ROR2: variants seen among roughly 807,000 people sequenced by gnomAD.
ROR2 encodes ROR family WNT receptor 2.
A neutral mutation model predicts 74.9 loss-of-function variants in ROR2; 33 were observed. The observed-to-expected ratio is 0.44, with a 90% CI of 0.33 to 0.59. The LOEUF (loss-of-function observed/expected upper bound fraction) is 0.59. ROR2 is among the 20% of genes least tolerant of loss of function. ROR2 has a pLI of 0.02. For missense variants in ROR2, 1,216 were observed against 1,313.8 expected (o/e 0.93, Z 1.15); for synonymous variants, 586 against 558.7 (o/e 1.05, Z -0.69).
At chr9:91,871,155 C>T (rs1829783256) in intron 1 of ROR2, among the ~76,000 whole-genome samples, 1 of 152,228 alleles carries the variant, frequency 6.6e-6, no homozygotes. Context: ...TTCCTCAAAA[C>T]TCTAACATGC....
At chr9:91,931,709 G>A (rs1378747298) in intron 1 of ROR2, among the ~76,000 whole-genome samples, 1 of 152,030 alleles carries the variant, frequency 6.6e-6, no homozygotes, top group African/African-American at 2.4e-5. Context: ...CTCCCTACAA[G>A]TATTAAAATT....
intron 1 of ROR2, among the ~76,000 whole-genome samples, chr9:91,869,804 G>A (rs966631161): frequency 2.6e-5 from 4 of 151,940 alleles, no homozygotes; most frequent in Non-Finnish European, 4.4e-5. Flanking sequence ...AATCTATTTC[G>A]GTGTACTAAC....
At chr9:91,859,960 G>A (rs1009014978) in intron 1 of ROR2, among the ~76,000 whole-genome samples, 2 of 152,220 alleles carry the variant, frequency 1.3e-5, no homozygotes, top group Non-Finnish European at 2.9e-5. Flanking sequence ...AGATGCCAGG[G>A]TGTGCTCAGT....
chr9:91,922,164 A>T (rs1831286425), intron 1 of ROR2, among the ~76,000 whole-genome samples: 1 of 152,178 alleles, frequency 6.6e-6, no homozygotes, highest in Non-Finnish European at 1.5e-5. Context: ...TACTGTTGAG[A>T]ACGTAGAGAA....
At chr9:91,839,928 A>T (rs1828732801) in intron 1 of ROR2, among the ~76,000 whole-genome samples, 1 of 151,998 alleles carries the variant, frequency 6.6e-6, no homozygotes, top group Admixed American at 6.6e-5. Flanking sequence ...TCTTTTCATA[A>T]ATGTGTTTCT....
At position 91,757,573 on chromosome 9, in the gene ROR2, C is replaced by T. The variant is rs547226790; in HGVS notation, c.176-14G>A. On this transcript the variant is annotated splice_polypyrimidine_tract_variant and intron_variant, in intron 2 of 8. Coordinates refer to ENST00000375708, the MANE Select transcript of ROR2 (RefSeq NM_004560.4). Reference sequence around the variant, plus strand: ...TCAGAAAGTAACCTGCCAAGGAGAGCGGTCACAAAAGAGCAAGCGTCAGTG... The same window carrying T: ...TCAGAAAGTAACCTGCCAAGGAGAGTGGTCACAAAAGAGCAAGCGTCAGTG... 1.6e-5 allele frequency: 26 copies of T among 1,611,356 alleles called. No individual in the cohort carries two copies. Among genetic ancestry groups the T allele is most frequent in the East Asian group, 1.1e-4 (5 of 44,782 alleles).
intron 7 of ROR2, among the ~76,000 whole-genome samples, chr9:91,729,803 CTT>C (rs1486708269): frequency 6.6e-6 from 1 of 152,204 alleles, no homozygotes; most frequent in Non-Finnish European, 1.5e-5. Flanking sequence ...TACAGACACA[CTT>C]GCAAGGAATG....
At chr9:91,932,904 A>G (rs1283274000) in intron 1 of ROR2, among the ~76,000 whole-genome samples, 1 of 152,210 alleles carries the variant, frequency 6.6e-6, no homozygotes, top group African/African-American at 2.4e-5. Flanking sequence ...ATGATTTCCA[A>G]TGTTGCTGGG....
intron 1 of ROR2, among the ~76,000 whole-genome samples, chr9:91,845,252 T>C (rs965030390): frequency 2.6e-5 from 4 of 152,088 alleles, no homozygotes; most frequent in African/African-American, 7.2e-5. Flanking sequence ...TGAGAGCCTG[T>C]CCTGGGGAAG....
chr9:91,840,631 T>G (rs898195423), intron 1 of ROR2, among the ~76,000 whole-genome samples: 1 of 152,082 alleles, frequency 6.6e-6, no homozygotes, highest in African/African-American at 2.4e-5. Flanking sequence ...GCCCATACTT[T>G]CTCAGTCAGT....
intron 1 of ROR2, among the ~76,000 whole-genome samples, chr9:91,810,113 C>T (rs1342753702): frequency 3.9e-5 from 6 of 152,258 alleles, no homozygotes; most frequent in African/African-American, 7.2e-5. Context: ...GCCCCCATGT[C>T]GGCGGAGCCA....
At chr9:91,797,666 G>A (rs1827222046) in intron 1 of ROR2, among the ~76,000 whole-genome samples, 1 of 14,084 alleles carries the variant, frequency 7.1e-5, no homozygotes. Flanking sequence ...CTGTGGGTGG[G>A]GCTGACACCC....
rs371713719 is a variant in ROR2, at chr9:91,867,592, G to A, written c.97+82275C>T. On this transcript the variant is annotated intron_variant, in intron 1 of 8. Coordinates refer to ENST00000375708, the MANE Select transcript of ROR2 (RefSeq NM_004560.4). Reference sequence around the variant, plus strand: ...TTGAAAATACCAGGGAGATGATGGAGAAGGGAAAACTCAGAAAAGTGACCC... The same window carrying A: ...TTGAAAATACCAGGGAGATGATGGAAAAGGGAAAACTCAGAAAAGTGACCC... Among the ~76,000 whole-genome samples the A allele has an allele frequency of 8.6e-5, 13 of 151,946 alleles. No homozygotes were observed. The East Asian group carries it at 1.6e-3, about 18-fold the overall frequency.
At chr9:91,901,732 C>G (rs1314061294) in intron 1 of ROR2, among the ~76,000 whole-genome samples, 2 of 148,640 alleles carry the variant, frequency 1.3e-5, no homozygotes, top group East Asian at 2.0e-4. Context: ...GGGAGAACTG[C>G]TTGAACCCAG....
chr9:91,916,714 C>T (rs1831144836), intron 1 of ROR2, among the ~76,000 whole-genome samples: 1 of 152,078 alleles, frequency 6.6e-6, no homozygotes, highest in Non-Finnish European at 1.5e-5. Context: ...ACTGGGATTT[C>T]ATATATGGAC....
chr9:91,911,933 C>CAAAAAAAAAAAAAA (rs747087662), intron 1 of ROR2, among the ~76,000 whole-genome samples: 40 of 76,384 alleles, frequency 5.2e-4, no homozygotes, highest in African/African-American at 1.6e-3. Flanking sequence ...TGAGTCTAAG[C>CAAAAAAAAAAAAAA]AAAAAAAAAA....
intron 1 of ROR2, among the ~76,000 whole-genome samples, chr9:91,812,360 A>G (rs1827781919): frequency 6.6e-6 from 1 of 152,094 alleles, no homozygotes; most frequent in African/African-American, 2.4e-5. Context: ...CAAGTAGGTA[A>G]TCTTAAAACA....
chr9:91,826,640 C>T (rs12349890), intron 1 of ROR2, among the ~76,000 whole-genome samples: 2,802 of 151,922 alleles, frequency 0.018, 55 homozygotes, highest in South Asian at 0.044. Context: ...AGAAATTAGC[C>T]GGGCGTGGTG....
At chr9:91,809,084 T>C (rs895400226) in intron 1 of ROR2, among the ~76,000 whole-genome samples, 6 of 152,084 alleles carry the variant, frequency 3.9e-5, no homozygotes, top group African/African-American at 1.4e-4. Context: ...AAAGGTTTCC[T>C]CTCCCCTAAG....
Sources: allele counts gnomAD v4.1 joint callset (sites outside exome capture counted in the v4.1 genomes callset), GRCh38; gene constraint gnomAD v4.1.1; transcripts MANE v1.5; gene names NCBI Gene and HGNC (gene_info 2026-07-23, HGNC 2026-07-21).